The following MIA2 variants were observed in gnomAD, a reference collection of about 807,000 sequenced individuals.
The protein encoded by MIA2 is melanoma inhibitory activity protein 2.
Under a neutral mutation model 167.8 loss-of-function variants are expected in MIA2, and 127 were observed. The ratio of observed to expected loss-of-function variants is 0.76; its 90% confidence interval spans 0.66 to 0.88. MIA2 has a LOEUF of 0.88. Ranked by LOEUF, MIA2 falls within the 40% of genes least tolerant of loss-of-function variation. The pLI is 0.00. For missense variants in MIA2, 1,690 were observed against 1,624.7 expected (o/e 1.04, Z -0.69); for synonymous variants, 552 against 541.9 (o/e 1.02, Z -0.26).
At chr14:39,265,159 GTATATA>G in intron 6 of MIA2, 11 of 379,538 alleles carry the variant, frequency 2.9e-5, no homozygotes, top group South Asian at 4.7e-5. Context: ...ATGTGTGTGA[GTATATA>G]TATATATATA....
chr14:39,373,374 A>G (rs2074986958), intron 23 of MIA2, among the ~76,000 whole-genome samples: 2 of 151,996 alleles, frequency 1.3e-5, no homozygotes, highest in South Asian at 4.1e-4. Context: ...AAAATTAGCA[A>G]CCTACCTAAT....
chr14:39,295,162 T>C (rs2061253686), intron 13 of MIA2, 133 bp downstream of exon 13: 5 of 674,674 alleles, frequency 7.4e-6, no homozygotes, highest in Non-Finnish European at 1.3e-5. Context: ...CAGTCTCCCA[T>C]ACATATTTCA....
chr14:39,316,854 A>G (rs1437745124), intron 21 of MIA2, among the ~76,000 whole-genome samples: 1 of 152,160 alleles, frequency 6.6e-6, no homozygotes, highest in Admixed American at 6.5e-5. Context: ...TGTTTCTGGA[A>G]GGGCAGCAGG....
At chr14:39,275,139 T>TTGTGTGTGTGTGTGTGTGTGTGTGTGTG (rs67380839) in intron 6 of MIA2, among the ~76,000 whole-genome samples, 42 of 126,710 alleles carry the variant, frequency 3.3e-4, no homozygotes, top group African/African-American at 5.7e-4. Context: ...CCTTAATCCT[T>TTGTGTGTGTGTGTGTGTGTGTGTGTGTG]TGTGTGTGTG....
At chr14:39,248,319 C>T (rs1274151972) in intron 4 of MIA2, 178 bp downstream of exon 4, 1 of 359,588 alleles carries the variant, frequency 2.8e-6, no homozygotes, top group Non-Finnish European at 4.5e-6. Context: ...AAAATCTCAA[C>T]AGAAAAACAA....
chr14:39,347,496 C>A, intron 26 of MIA2: 1 of 538,160 alleles, frequency 1.9e-6, no homozygotes. Flanking sequence ...AGGAACTAGC[C>A]AGAGAAATAA....
chr14:39,262,924 A>G (rs2055194392), intron 6 of MIA2, among the ~76,000 whole-genome samples: 1 of 151,350 alleles, frequency 6.6e-6, no homozygotes, highest in Non-Finnish European at 1.5e-5. Context: ...GGCTGAGATG[A>G]TGGGGTTTTC....
chr14:39,244,271 CT>C (rs1196436685), intron 3 of MIA2, among the ~76,000 whole-genome samples: 1 of 152,146 alleles, frequency 6.6e-6, no homozygotes, highest in African/African-American at 2.4e-5. Context: ...GGGGATTCTA[CT>C]TTCTATGACT....
chr14:39,330,265 T>C (rs1385799909), intron 25 of MIA2, among the ~76,000 whole-genome samples: 2 of 152,232 alleles, frequency 1.3e-5, no homozygotes, highest in African/African-American at 4.8e-5. Flanking sequence ...TGGAGTTCTT[T>C]ATAGTATTCT....
chr14:39,298,530 G>GTTTTTTTTTTTT (rs764475842), intron 13 of MIA2, among the ~76,000 whole-genome samples: 631 of 26,054 alleles, frequency 0.024, 25 homozygotes, highest in Admixed American at 0.05. Flanking sequence ...GTAGAACAGA[G>GTTTTTTTTTTTT]TTTTTTTTTT....
intron 25 of MIA2, among the ~76,000 whole-genome samples, chr14:39,345,360 C>T (rs187520882): frequency 2.0e-5 from 3 of 152,140 alleles, no homozygotes; most frequent in African/African-American, 7.2e-5. Context: ...AGGTGTGAGC[C>T]ACCATACCCG....
At chr14:39,309,887 C>G (rs73277480) in intron 18 of MIA2, among the ~76,000 whole-genome samples, 2,626 of 151,252 alleles carry the variant, frequency 0.017, 83 homozygotes, top group African/African-American at 0.06. Context: ...CCTAAGTACA[C>G]TGAAGACCCT....
At chr14:39,270,447 C>A (rs1021422080) in intron 6 of MIA2, among the ~76,000 whole-genome samples, 1 of 152,112 alleles carries the variant, frequency 6.6e-6, no homozygotes, top group Non-Finnish European at 1.5e-5. Flanking sequence ...GATCCACCCG[C>A]CTCGGCCTCC....
chr14:39,297,717 CAG>C (rs1006669507), intron 13 of MIA2, among the ~76,000 whole-genome samples: 68 of 85,734 alleles, frequency 7.9e-4, no homozygotes, highest in African/African-American at 3.2e-3. Context: ...GTGAAAGAGA[CAG>C]AGATAGAGAA....
rs533865586 is a variant in MIA2, at chr14:39,293,257, G to A, written c.2209-14G>A. On this transcript the variant is annotated splice_polypyrimidine_tract_variant and intron_variant, in intron 10 of 28. Transcript: ENST00000640607. ...TTCTTATATCTGTTTAATAAAGTTG[G>A]CTTTCTCTCTTAGGCAACCTGTGAA... is the stretch of plus-strand genomic sequence containing the variant. The A allele has an allele frequency of 9.0e-6, 14 of 1,557,116 alleles. No individual in the cohort carries two copies. Among genetic ancestry groups the A allele is most frequent in the Admixed American group, 1.7e-5 (1 of 57,658 alleles).
chr14:39,331,422 C>G lies in MIA2; in HGVS notation c.3655+4400C>G, dbSNP rs190605098. Among the ~76,000 whole-genome samples, 30 of 152,232 alleles carry G rather than the reference C, an allele frequency of 2.0e-4. No individual in the cohort carries two copies. In the East Asian group the frequency reaches 5.0e-3, roughly 25 times the overall value. ...GACTCTTTATCCAATTTGCCATTCTCTGTCTTTTAATTGGGGCATTTAGCC... is the reference window on the plus strand; with the variant it reads ...GACTCTTTATCCAATTTGCCATTCTGTGTCTTTTAATTGGGGCATTTAGCC... On this transcript the variant is annotated intron_variant, in intron 25 of 28. Transcript: ENST00000640607.
chr14:39,285,214 A>C (rs1392411781), intron 9 of MIA2, among the ~76,000 whole-genome samples: 1 of 152,048 alleles, frequency 6.6e-6, no homozygotes, highest in Non-Finnish European at 1.5e-5. Flanking sequence ...CCCCTTTTCT[A>C]TTCCACAAAA....
At chr14:39,376,152 C>T (rs372704567) in intron 23 of MIA2, among the ~76,000 whole-genome samples, 8 of 152,004 alleles carry the variant, frequency 5.3e-5, no homozygotes, top group African/African-American at 1.7e-4. Context: ...TGGGGTTTTG[C>T]CATGTTGTCC....
chr14:39,379,320 C>T (rs1023467342), intron 23 of MIA2, among the ~76,000 whole-genome samples: 1 of 152,200 alleles, frequency 6.6e-6, no homozygotes, highest in African/African-American at 2.4e-5. Flanking sequence ...GCACCCACCT[C>T]TTTCAGGATA....
Sources: gnomAD v4.1 joint callset for allele counts (sites outside exome capture counted in the v4.1 genomes callset) on GRCh38, gnomAD v4.1.1 for gene constraint, MANE v1.5 for transcripts, NCBI Gene and HGNC (gene_info 2026-07-23, HGNC 2026-07-21) for gene names.